Variants in BDP1 observed in about 807,000 individuals in gnomAD.
BDP1 encodes BDP1 general transcription factor IIIB subunit, also known as transcription factor TFIIIB component B'' homolog.
A neutral mutation model predicts 266.6 loss-of-function variants in BDP1; 169 were observed. The observed-to-expected ratio is 0.63, with a 90% confidence interval of 0.56 to 0.72. BDP1 has a LOEUF of 0.72. Among genes scored for constraint, BDP1 ranks in the 30% least tolerant of loss-of-function variants. The pLI is 0.00. For missense variants in BDP1, 3,015 were observed against 3,053.8 expected (o/e 0.99, Z 0.30); for synonymous variants, 1,090 against 1,022.4 (o/e 1.07, Z -1.26).
At chr5:71,500,085 G>A (rs1764134626) in intron 13 of BDP1, among the ~76,000 whole-genome samples, 1 of 151,674 alleles carries the variant, frequency 6.6e-6, no homozygotes. Flanking sequence ...GAATTCTATT[G>A]TTACCATTTT....
rs889765850 is a variant in BDP1, at chr5:71,497,196, C to T, written c.1800-74C>T. 1.1e-5 allele frequency: 15 copies of T among 1,362,830 alleles called. No homozygotes were observed. In the East Asian group the frequency reaches 3.5e-4, roughly 31 times the overall value. 84.4% of individuals were successfully genotyped at this position (1,362,830 alleles called of 1,614,324 possible). The stretch of plus-strand genomic sequence containing the variant: ...TCTTAAAGGAGTTCTTCCTAATTCT[C>T]AGTAGGTTATTTTAGAAGTTCATTT... On this transcript the variant is annotated intron_variant, in intron 12 of 38. Transcript: ENST00000358731.
At chr5:71,459,510 C>A (rs1244183966) in intron 2 of BDP1, among the ~76,000 whole-genome samples, 1 of 151,008 alleles carries the variant, frequency 6.6e-6, no homozygotes, top group Non-Finnish European at 1.5e-5. Flanking sequence ...AAACTGTCTC[C>A]AAAAAAAAGA....
At chr5:71,502,870 C>A in intron 15 of BDP1, 79 bp downstream of exon 15, 1 of 999,588 alleles carries the variant, frequency 1.0e-6, no homozygotes, top group Non-Finnish European at 1.5e-6. Context: ...CACCCACATA[C>A]TTACATACAT....
chr5:71,509,779 T>C lies in BDP1; in HGVS notation c.2687T>C (p.Ile896Thr), dbSNP rs769743406. 26 of 1,614,054 alleles carry C rather than the reference T, an allele frequency of 1.6e-5. No homozygotes were observed. The highest frequency in any genetic ancestry group is 1.9e-5 in the Non-Finnish European group (23 of 1,180,012). The part of the protein sequence containing the change: ...EKILDVIDDT[I>T]EMETGLKAMG... The stretch of plus-strand genomic sequence containing the variant: ...ATTCTAGATGTGATTGATGACACCA[T>C]AGAAATGGAGACAGGTCTGAAAGCA... The change falls in exon 17 of 39, where the codon ATA (isoleucine) becomes ACA (threonine). Residue 896 changes from isoleucine to threonine, a missense_variant. Physicochemically the swap from Ile to Thr is moderately conservative, Grantham distance 89 (BLOSUM62 -1). Transcript: ENST00000358731.
Position 71,564,842 on chromosome 5 carries a change from A to G in BDP1, c.7832A>G (p.Tyr2611Cys), listed in dbSNP as rs751733666. 6.2e-7 allele frequency: 1 copy of G among 1,610,608 alleles called. No individual in the cohort carries two copies. The highest frequency in any genetic ancestry group is 1.7e-5 in the Admixed American group (1 of 59,684). The change falls in exon 39 of 39, where the codon TAT becomes TGT. Residue 2611 changes from tyrosine to cysteine, a missense_variant. By Grantham distance (194) the Tyr-to-Cys change is radical. Around this residue, in one of 3 missense-constraint regions of BDP1, gnomAD observed 629 missense variants for 632.5 expected, o/e 0.99. Coordinates refer to ENST00000358731, the MANE Select transcript of BDP1 (RefSeq NM_018429.3). ...PQGEATTVSE[Y>C]FFNDIFIEVD... is the part of the protein sequence containing the mutation. ...GGGGAGGCAACCACAGTCTCTGAATATTTCTTCAATGATATCTTCATTGAA... is the reference window on the plus strand; with the variant it reads ...GGGGAGGCAACCACAGTCTCTGAATGTTTCTTCAATGATATCTTCATTGAA...
At chr5:71,458,158 T>C (rs1441879916) in intron 1 of BDP1, among the ~76,000 whole-genome samples, 1 of 152,202 alleles carries the variant, frequency 6.6e-6, no homozygotes, top group Non-Finnish European at 1.5e-5. Flanking sequence ...TAAAGTAAAA[T>C]GCCGGTAGTT....
intron 2 of BDP1, among the ~76,000 whole-genome samples, chr5:71,461,098 G>T (rs957627308): frequency 1.3e-5 from 2 of 152,100 alleles, no homozygotes; most frequent in African/African-American, 4.8e-5. Context: ...TCCCACCTCA[G>T]CCTCCCAAGT....
chr5:71,568,836 TAA>T (rs1744172338), downstream of BDP1, among the ~76,000 whole-genome samples: 3 of 150,038 alleles, frequency 2.0e-5, no homozygotes, highest in African/African-American at 7.3e-5. Flanking sequence ...ATCAAGAAAA[TAA>T]AAGTCTCTCC....
At chr5:71,543,983 C>A (rs1305676076) in intron 30 of BDP1, among the ~76,000 whole-genome samples, 1 of 152,166 alleles carries the variant, frequency 6.6e-6, no homozygotes, top group African/African-American at 2.4e-5. Context: ...TGATATTATT[C>A]TTTGCAGTGC....
chr5:71,465,898 TC>T (rs1430402221), intron 4 of BDP1, among the ~76,000 whole-genome samples, 197 bp from the exon 5 acceptor site: 1 of 152,020 alleles, frequency 6.6e-6, no homozygotes, highest in Non-Finnish European at 1.5e-5. Context: ...AAATAAGACT[TC>T]TTACTAAATG....
intron 13 of BDP1, among the ~76,000 whole-genome samples, chr5:71,500,109 C>T (rs1764135699): frequency 6.6e-6 from 1 of 151,928 alleles, no homozygotes; most frequent in Admixed American, 6.6e-5. Flanking sequence ...TAAACTAAAA[C>T]ACTTTTTAAG....
chr5:71,517,337 G>A lies in BDP1; in HGVS notation c.4876G>A (p.Glu1626Lys). ...KVLTVSNSQI[E>K]TEIEVPSSAV... is the part of the protein sequence containing the mutation. ...GTCTTTTCAGTCAAATTCTCAAATTGAAACTGAAATTGAAGTTCCATCGTC... is the reference window on the plus strand; with the variant it reads ...GTCTTTTCAGTCAAATTCTCAAATTAAAACTGAAATTGAAGTTCCATCGTC... The change falls in exon 22 of 39, where the codon GAA becomes AAA. Residue 1626 changes from glutamate to lysine, a missense_variant. This residue lies in a region of BDP1 where 2,383 missense variants were observed against 2,404.9 expected (regional missense o/e 0.99). Transcript: ENST00000358731. 3 of 1,598,954 alleles carry A rather than the reference G, an allele frequency of 1.9e-6. 1 individual carries two copies. The South Asian group carries it at 3.4e-5, about 18-fold the overall frequency.
chr5:71,513,887 T>G (rs1014778874), intron 19 of BDP1, among the ~76,000 whole-genome samples: 23 of 149,438 alleles, frequency 1.5e-4, no homozygotes, highest in Non-Finnish European at 3.0e-4. Context: ...TCCGGCTAAT[T>G]TTTTTTTTTG....
intron 25 of BDP1, among the ~76,000 whole-genome samples, chr5:71,525,413 CG>C (rs1765758773): frequency 7.2e-6 from 1 of 138,610 alleles, no homozygotes; most frequent in Non-Finnish European, 1.6e-5. Flanking sequence ...ACCTCCCTCC[CG>C]GACGGGGCGG....
chr5:71,548,635 G>A (rs534197904), intron 32 of BDP1, 47 bp from the exon 33 acceptor site: 1 of 1,207,374 alleles, frequency 8.3e-7, no homozygotes, highest in Non-Finnish European at 1.2e-6. Context: ...CTTTTTAAAT[G>A]TAAGATTTGG....
At chr5:71,491,547 A>AT (rs1264850218) in intron 11 of BDP1, among the ~76,000 whole-genome samples, 1 of 151,624 alleles carries the variant, frequency 6.6e-6, no homozygotes, top group East Asian at 1.9e-4. Context: ...CCCTCAATAG[A>AT]TTTTTTATGT....
chr5:71,564,686 A>G, intron 38 of BDP1, 68 bp from the exon 39 acceptor site: 4 of 1,351,064 alleles, frequency 3.0e-6, no homozygotes, highest in Non-Finnish European at 4.1e-6. Context: ...TGCTATATAT[A>G]CACACACATA....
At chr5:71,564,374 T>G (rs1424677817) in intron 38 of BDP1, among the ~76,000 whole-genome samples, 1 of 152,068 alleles carries the variant, frequency 6.6e-6, no homozygotes, top group Non-Finnish European at 1.5e-5. Context: ...AGTGACAGAT[T>G]TAACCATATT....
intron 2 of BDP1, 126 bp from the exon 3 acceptor site, chr5:71,461,691 A>G (rs1057498264): frequency 1.6e-5 from 9 of 555,100 alleles, no homozygotes; most frequent in Non-Finnish European, 2.6e-5. Context: ...ACAAAATTAC[A>G]TAATTGGGGT....
Sources: gnomAD v4.1 joint callset for allele counts (sites outside exome capture counted in the v4.1 genomes callset) on GRCh38, gnomAD v4.1.1 for gene constraint, gnomAD v4.1.1 regional missense constraint, MANE v1.5 for transcripts, NCBI Gene and HGNC (gene_info 2026-07-23, HGNC 2026-07-21) for gene names.